Variants in NSL1 observed in about 807,000 individuals in gnomAD.
The protein encoded by NSL1 is NSL1 component of MIS12 kinetochore complex.
In NSL1, 11 loss-of-function variants were observed where a neutral mutation model predicts 25.4. The ratio of observed to expected loss-of-function variants is 0.43; its 90% CI spans 0.27 to 0.72. NSL1 has a LOEUF of 0.72. Among genes scored for constraint, NSL1 ranks in the 30% least tolerant of loss-of-function variants. The pLI, the probability that NSL1 is intolerant of heterozygous loss-of-function variation, is 0.19. For synonymous variants in NSL1, 118 were observed against 120.6 expected (o/e 0.98, Z 0.14); for missense variants, 330 against 342.7 (o/e 0.96, Z 0.29).
intron 4 of NSL1, among the ~76,000 whole-genome samples, chr1:212,776,017 C>T (rs149207416): frequency 0.023 from 3,469 of 151,886 alleles, 63 homozygotes; most frequent in South Asian, 0.042. Context: ...TTAGTAGAGA[C>T]GGGGTTTCAC....
At chr1:212,764,324 C>T (rs1659701235) in intron 4 of NSL1, among the ~76,000 whole-genome samples, 1 of 152,022 alleles carries the variant, frequency 6.6e-6, no homozygotes. Flanking sequence ...ATCAAAAACC[C>T]TGAAATAGCA....
chr1:212,747,767 T>C (rs1658871993), intron 4 of NSL1, among the ~76,000 whole-genome samples: 1 of 152,144 alleles, frequency 6.6e-6, no homozygotes, highest in African/African-American at 2.4e-5. Flanking sequence ...GAGATTTATT[T>C]TCTTTTTTCT....
intron 4 of NSL1, among the ~76,000 whole-genome samples, chr1:212,777,938 A>G (rs1016299063): frequency 2.0e-5 from 3 of 152,260 alleles, no homozygotes; most frequent in African/African-American, 4.8e-5. Context: ...GAAGAGAGCA[A>G]GAGTGAAACA....
rs1658337635 is a variant in NSL1, at chr1:212,738,479, T to G, written c.775A>C (p.Lys259Gln). 2 of 1,614,134 alleles carry G rather than the reference T, an allele frequency of 1.2e-6. No individual in the cohort carries two copies. The highest frequency in any genetic ancestry group is 1.7e-5 in the Admixed American group (1 of 60,018). The change falls in exon 6 of 6, where the codon AAG becomes CAG. Residue 259 changes from lysine (K) to glutamine (Q), a missense_variant. Coordinates refer to ENST00000366977, the MANE Select transcript of NSL1 (RefSeq NM_015471.4). ...RKTSDMVLKRKQTKDCPQRKW... is the reference protein window; with the variant it reads ...RKTSDMVLKRQQTKDCPQRKW... ...CTCTGGGGGCAGTCTTTAGTTTGCT[T>G]TCTTTTCAGTACCATGTCAGAGGTT...
At chr1:212,789,762 T>C (rs1368230174) in intron 1 of NSL1, among the ~76,000 whole-genome samples, 1 of 152,204 alleles carries the variant, frequency 6.6e-6, no homozygotes, top group Non-Finnish European at 1.5e-5. Flanking sequence ...TCCCACTAAA[T>C]AGGATATAAT....
chr1:212,743,815 T>C lies in NSL1; in HGVS notation c.500-4214A>G, dbSNP rs1658619449. Among the ~76,000 whole-genome samples, 2 of 152,188 alleles carry C rather than the reference T, an allele frequency of 1.3e-5. 1 individual carries two copies. Among genetic ancestry groups the C allele is most frequent in the South Asian group, 4.1e-4 (2 of 4,828 alleles). On this transcript the variant is annotated intron_variant, in intron 4 of 5. Transcript: ENST00000366977. ...TCTGGTAGGAGAACTTGGTATATTT[T>C]AATTTACCCTTGCCCCATTCCCTTC...
At chr1:212,762,031 C>T (rs1659594423) in intron 4 of NSL1, among the ~76,000 whole-genome samples, 1 of 150,730 alleles carries the variant, frequency 6.6e-6, no homozygotes, top group Non-Finnish European at 1.5e-5. Flanking sequence ...GGCGCGGTGG[C>T]TCATGCCTGT....
intron 3 of NSL1, 80 bp from the exon 4 acceptor site, chr1:212,782,506 T>C: frequency 1.0e-6 from 1 of 988,272 alleles, no homozygotes; most frequent in Non-Finnish European, 1.6e-6. Flanking sequence ...ATGGGAGATA[T>C]ACTATAGAGT....
In NSL1 at chr1:212,730,237, C is replaced by CAAAAAAAAAA. The variant is rs532313864; in HGVS notation, c.*8161_*8170dup. 2.2e-5 allele frequency: 13 copies of CAAAAAAAAAA among 603,920 alleles called. No homozygotes were observed. The highest frequency in any genetic ancestry group is 8.5e-5 in the South Asian group (1 of 11,706). The allele number at this position is 603,920 out of a possible 1,614,324, so 37.4% of individuals were successfully genotyped here. A position where few individuals can be genotyped will look rare whatever the true frequency, so the allele number is the denominator to read the frequency against. On this transcript the variant is annotated 3_prime_UTR_variant, in exon 6 of 6. Transcript: ENST00000366977. Reference sequence around the variant, plus strand: ...TACACTCCAGCCTGGGTGACAGTCTCAAAAAAAAAAAAAAAAAAAAAAAAA... The same window carrying CAAAAAAAAAA: ...TACACTCCAGCCTGGGTGACAGTCTCAAAAAAAAAAAAAAAAAAAAAAAAAAAAAAAAAAA...
chr1:212,730,703 T>G lies in NSL1; in HGVS notation c.*7705A>C. ...GGGATGTCAATGCCATCCTCTGCTCTTATGTCCTGCAGGGATATGGGAATT... is the reference window on the plus strand; with the variant it reads ...GGGATGTCAATGCCATCCTCTGCTCGTATGTCCTGCAGGGATATGGGAATT... On this transcript the variant is annotated 3_prime_UTR_variant, in exon 6 of 6. Transcript: ENST00000366977. The G allele has an allele frequency of 1.0e-6, 1 of 985,404 alleles. No homozygotes were observed. Among genetic ancestry groups the G allele is most frequent in the Non-Finnish European group, 1.2e-6 (1 of 829,906 alleles). 61.0% of individuals were successfully genotyped at this position (985,404 alleles called of 1,614,324 possible). A position where few individuals can be genotyped will look rare whatever the true frequency, so the allele number is the denominator to read the frequency against.
chr1:212,735,221 A>G lies in NSL1; in HGVS notation c.*3187T>C. On this transcript the variant is annotated 3_prime_UTR_variant, in exon 6 of 6. Transcript: ENST00000366977. ...AGACAGGTTAAGTAACTTGTCCAAT[A>G]TCATTGAACTAATAATGGTAGAACT... 1.4e-6 allele frequency: 1 copy of G among 727,428 alleles called. No homozygotes were observed. The highest frequency in any genetic ancestry group is 1.7e-6 in the Non-Finnish European group (1 of 594,868). The allele number at this position is 727,428 out of a possible 1,614,324, so 45.1% of individuals were successfully genotyped here. A position where few individuals can be genotyped will look rare whatever the true frequency, so the allele number is the denominator to read the frequency against.
In NSL1 at chr1:212,730,953, C is replaced by G. The variant is rs2102419316; in HGVS notation, c.*7455G>C. ...AATTTGCAATATGAACTCATTCATT[C>G]AACGAATATTAGTTTACAGCCCATG... On this transcript the variant is annotated 3_prime_UTR_variant, in exon 6 of 6. Coordinates refer to ENST00000366977, the MANE Select transcript of NSL1 (RefSeq NM_015471.4). 1 of 985,382 alleles carries G rather than the reference C, an allele frequency of 1.0e-6. No homozygotes were observed. The highest frequency in any genetic ancestry group is 1.1e-4 in the East Asian group (1 of 8,816). 61.0% of individuals were successfully genotyped at this position (985,382 alleles called of 1,614,324 possible).
At chr1:212,780,854 T>C (rs1180652535) in intron 4 of NSL1, among the ~76,000 whole-genome samples, 3 of 152,218 alleles carry the variant, frequency 2.0e-5, no homozygotes, top group Non-Finnish European at 4.4e-5. Flanking sequence ...CAGCCCCTTA[T>C]GTGGCTTGGT....
At chr1:212,749,613 C>G (rs529296237) in intron 4 of NSL1, among the ~76,000 whole-genome samples, 2 of 152,130 alleles carry the variant, frequency 1.3e-5, no homozygotes, top group African/African-American at 4.8e-5. Flanking sequence ...ATTAACAGCA[C>G]TGATAACCAT....
intron 1 of NSL1, among the ~76,000 whole-genome samples, chr1:212,789,504 G>A (rs1037935303): frequency 5.3e-5 from 8 of 152,164 alleles, no homozygotes; most frequent in South Asian, 2.1e-4. Flanking sequence ...AAGCCATCGC[G>A]CCCGGCCTAT....
At chr1:212,773,662 T>G (rs891588242) in intron 4 of NSL1, among the ~76,000 whole-genome samples, 1 of 152,084 alleles carries the variant, frequency 6.6e-6, no homozygotes, top group African/African-American at 2.4e-5. Flanking sequence ...AGAATTACCA[T>G]ATGCTCCACC....
chr1:212,735,287 T>C lies in NSL1; in HGVS notation c.*3121A>G, dbSNP rs968173176. 1.0e-6 allele frequency: 1 copy of C among 983,968 alleles called. No homozygotes were observed. Among genetic ancestry groups the C allele is most frequent in the Non-Finnish European group, 1.2e-6 (1 of 828,726 alleles). 61.0% of individuals were successfully genotyped at this position (983,968 alleles called of 1,614,324 possible). The stretch of plus-strand genomic sequence containing the variant: ...ATGATCTGGCTTAGAGGCTGTGCTC[T>C]TAAGATCTCTGACTTTTGATCCGAG... On this transcript the variant is annotated 3_prime_UTR_variant, in exon 6 of 6. Transcript: ENST00000366977.
At position 212,782,410 on chromosome 1, in the gene NSL1, A is replaced by C. The variant is rs1660768071; in HGVS notation, c.461T>G (p.Val154Gly). Residue 154 changes from valine (V) to glycine (G), a missense_variant, in exon 4 of 6, where the codon GTT (valine) becomes GGT (glycine). Coordinates refer to ENST00000366977, the MANE Select transcript of NSL1 (RefSeq NM_015471.4). ...ATATTTTAGGTCCAGTGGATGTACA[A>C]CAGGGTGGTACTGCTTCTAAACATA... ...KQEILKQYHP[V>G]VHPLDLKYDP... is the part of the protein sequence containing the mutation. 6.2e-7 allele frequency: 1 copy of C among 1,609,104 alleles called. No homozygotes were observed. The highest frequency in any genetic ancestry group is 1.3e-5 in the African/African-American group (1 of 74,816).
chr1:212,769,280 G>A (rs1323596588), intron 4 of NSL1, among the ~76,000 whole-genome samples: 1 of 152,114 alleles, frequency 6.6e-6, no homozygotes, highest in Non-Finnish European at 1.5e-5. Flanking sequence ...TCTGCAAATA[G>A]ATTGAATCCC....
Sources: allele counts gnomAD v4.1 joint callset (sites outside exome capture counted in the v4.1 genomes callset), GRCh38; gene constraint gnomAD v4.1.1; transcripts MANE v1.5; gene names NCBI Gene and HGNC (gene_info 2026-07-23, HGNC 2026-07-21).